Variants in ATF7 observed in about 807,000 individuals in gnomAD.
ATF7 encodes cyclic AMP-dependent transcription factor ATF-7.
Under a neutral mutation model 50.4 loss-of-function variants are expected in ATF7, and 10 were observed. The observed-to-expected ratio is 0.20, with a 90% confidence interval of 0.12 to 0.34. ATF7 has a LOEUF of 0.34. Ranked by LOEUF, ATF7 falls within the 10% of genes least tolerant of loss-of-function variation. The probability of loss-of-function intolerance (pLI) is 1.00; values close to 1 mark genes in which losing one functional copy is unlikely to be tolerated. For missense variants in ATF7, 465 were observed against 613.9 expected (o/e 0.76, Z 2.56); for synonymous variants, 201 against 226.4 (o/e 0.89, Z 1.01).
chr12:53,570,742 T>C (rs1194970869), intron 2 of ATF7, among the ~76,000 whole-genome samples: 2 of 46,038 alleles, frequency 4.3e-5, no homozygotes, highest in South Asian at 1.8e-3. Flanking sequence ...TGTGCGTGTG[T>C]GTGTGTGTGT....
At chr12:53,526,100 C>T (rs1938438512) in intron 9 of ATF7, among the ~76,000 whole-genome samples, 1 of 150,788 alleles carries the variant, frequency 6.6e-6, no homozygotes, top group African/African-American at 2.4e-5. Context: ...ATCCCAGCTA[C>T]TTGGGAGGCT....
At chr12:53,538,186 A>G (rs1290545713) in intron 4 of ATF7, among the ~76,000 whole-genome samples, 2 of 152,236 alleles carry the variant, frequency 1.3e-5, no homozygotes, top group African/African-American at 4.8e-5. Context: ...CCATGCAAAT[A>G]TTATGATAAT....
At chr12:53,535,444 C>A (rs1298430373) in intron 5 of ATF7, among the ~76,000 whole-genome samples, 1 of 151,796 alleles carries the variant, frequency 6.6e-6, no homozygotes, top group East Asian at 1.9e-4. Context: ...GATATAGATG[C>A]TCTATCCATA....
intron 9 of ATF7, 137 bp downstream of exon 9, chr12:53,531,607 C>A: frequency 2.3e-6 from 2 of 864,286 alleles, no homozygotes; most frequent in Non-Finnish European, 3.4e-6. Flanking sequence ...AGTCAAACTG[C>A]CATCAAGAAC....
intron 2 of ATF7, among the ~76,000 whole-genome samples, chr12:53,582,763 G>C (rs1183836264): frequency 1.3e-5 from 2 of 151,918 alleles, no homozygotes; most frequent in African/African-American, 4.8e-5. Flanking sequence ...TATTAGCCGG[G>C]ATTAGTAGAG....
At chr12:53,531,600 C>A in intron 9 of ATF7, 144 bp downstream of exon 9, 1 of 818,542 alleles carries the variant, frequency 1.2e-6, no homozygotes, top group South Asian at 2.2e-5. Context: ...TTGCTATAGT[C>A]AAACTGCCAT....
intron 3 of ATF7, among the ~76,000 whole-genome samples, chr12:53,549,948 C>T (rs1940222741): frequency 6.6e-6 from 1 of 152,114 alleles, no homozygotes; most frequent in South Asian, 2.1e-4. Flanking sequence ...GAACTCCTGA[C>T]CTCAGGTGAT....
At position 53,517,162 on chromosome 12, in the gene ATF7, G is replaced by A. The variant is rs1937755547; in HGVS notation, c.1427C>T (p.Pro476Leu). The A allele has an allele frequency of 3.7e-6, 6 of 1,613,156 alleles. No individual in the cohort carries two copies. The highest frequency in any genetic ancestry group is 4.2e-6 in the Non-Finnish European group (5 of 1,179,898). The change falls in exon 12 of 12, where the codon CCA (proline) becomes CTA (leucine). Residue 476 changes from proline (P) to leucine (L), a missense_variant. Pro to Leu is a moderately conservative substitution (Grantham distance 98). Coordinates refer to ENST00000420353, the MANE Select transcript of ATF7 (RefSeq NM_006856.3). ...TCATCTGCCCGCAGACTGGGACTGT[G>A]GGGTCATGATTACATGCGATTGTAT... Reference protein sequence around the residue: ...MPIQSHVIMTPQSQSAGR With the variant: ...MPIQSHVIMTLQSQSAGR
At chr12:53,618,573 A>T (rs1277290738) in intron 1 of ATF7, among the ~76,000 whole-genome samples, 1 of 152,178 alleles carries the variant, frequency 6.6e-6, no homozygotes, top group South Asian at 2.1e-4. Flanking sequence ...GCTGCCTGCC[A>T]ATGTAAAGTC....
At chr12:53,571,632 T>C (rs1165038891) in intron 2 of ATF7, among the ~76,000 whole-genome samples, 1 of 144,348 alleles carries the variant, frequency 6.9e-6, no homozygotes, top group Non-Finnish European at 1.5e-5. Context: ...TGAGACTCCA[T>C]CTCTTTAAAA....
At position 53,517,129 on chromosome 12, in the gene ATF7, A is replaced by G. The variant is rs1315834449; in HGVS notation, c.*8T>C. 1 of 1,608,984 alleles carries G rather than the reference A, an allele frequency of 6.2e-7. No homozygotes were observed. Among genetic ancestry groups the G allele is most frequent in the East Asian group, 2.2e-5 (1 of 44,888 alleles). On this transcript the variant is annotated 3_prime_UTR_variant, in exon 12 of 12. Transcript: ENST00000420353. ...CTCTGGCTGAGGACCTCTCCACCAG[A>G]GGAGGCATCATCTGCCCGCAGACTG...
chr12:53,589,024 A>C (rs1942839756), intron 2 of ATF7, among the ~76,000 whole-genome samples: 1 of 152,144 alleles, frequency 6.6e-6, no homozygotes, highest in African/African-American at 2.4e-5. Context: ...ATAGATCAGT[A>C]ATAAACTATA....
At chr12:53,547,636 G>A (rs1940028468) in intron 3 of ATF7, among the ~76,000 whole-genome samples, 2 of 151,614 alleles carry the variant, frequency 1.3e-5, no homozygotes, top group South Asian at 4.2e-4. Context: ...GGAGTGCAAT[G>A]GCATGATCAT....
chr12:53,582,639 C>T (rs1479705062), intron 2 of ATF7, among the ~76,000 whole-genome samples: 4 of 152,136 alleles, frequency 2.6e-5, no homozygotes, highest in Non-Finnish European at 5.9e-5. Flanking sequence ...AGTGCAGTGG[C>T]GAGACCTTGG....
chr12:53,521,100 C>T (rs1283127628), intron 11 of ATF7, among the ~76,000 whole-genome samples: 1 of 151,834 alleles, frequency 6.6e-6, no homozygotes, highest in African/African-American at 2.4e-5. Flanking sequence ...TCAAGTGATT[C>T]TCCTGCCTCA....
intron 2 of ATF7, among the ~76,000 whole-genome samples, chr12:53,577,736 G>A (rs77389916): frequency 0.037 from 5,181 of 139,680 alleles, 148 homozygotes; most frequent in East Asian, 0.14. Flanking sequence ...AAAAAAGAAA[G>A]AAAGAAAGAA....
chr12:53,517,480 T>TG (rs1467554906), intron 11 of ATF7, 126 bp from the exon 12 acceptor site: 1 of 900,548 alleles, frequency 1.1e-6, no homozygotes, highest in East Asian at 2.7e-5. Flanking sequence ...ATCTTTTTTT[T>TG]GGGGAAAACT....
chr12:53,602,053 T>C (rs572025889), intron 1 of ATF7, among the ~76,000 whole-genome samples: 1 of 152,214 alleles, frequency 6.6e-6, no homozygotes, highest in African/African-American at 2.4e-5. Context: ...AGATTAGAAA[T>C]GCAAATCATA....
intron 2 of ATF7, among the ~76,000 whole-genome samples, chr12:53,590,314 T>A (rs2050895970): frequency 6.6e-6 from 1 of 152,232 alleles, no homozygotes; most frequent in Non-Finnish European, 1.5e-5. Context: ...AAGAACTTAG[T>A]AATTTACATG....
Sources: gnomAD v4.1 joint callset for allele counts (sites outside exome capture counted in the v4.1 genomes callset) on GRCh38, gnomAD v4.1.1 for gene constraint, MANE v1.5 for transcripts, NCBI Gene and HGNC (gene_info 2026-07-23, HGNC 2026-07-21) for gene names.